The following ADD3 variants were observed in gnomAD, a reference collection of about 807,000 sequenced individuals.
ADD3 encodes the protein gamma-adducin.
In ADD3, 25 loss-of-function variants were observed where a neutral mutation model predicts 80.2. That is an observed-to-expected ratio of 0.31 (90% CI 0.23 to 0.44). The LOEUF is 0.44. Ranked by LOEUF, ADD3 falls within the 20% of genes least tolerant of loss-of-function variation. ADD3 has a pLI of 1.00. For missense variants in ADD3, 829 were observed against 847.5 expected (o/e 0.98, Z 0.27); for synonymous variants, 284 against 289.6 (o/e 0.98, Z 0.20).
At chr10:110,008,656 A>T (rs780454897) in intron 1 of ADD3, among the ~76,000 whole-genome samples, 80 of 152,298 alleles carry the variant, frequency 5.3e-4, no homozygotes, top group Non-Finnish European at 1.9e-4. Context: ...GCTGAAGCTT[A>T]GGTGACCCCG....
intron 1 of ADD3, among the ~76,000 whole-genome samples, chr10:110,087,950 C>T (rs1393205953): frequency 6.6e-6 from 1 of 152,124 alleles, no homozygotes; most frequent in Non-Finnish European, 1.5e-5. Context: ...AAATCTATTC[C>T]ATGCCCCTCC....
upstream of ADD3, among the ~76,000 whole-genome samples, chr10:110,001,139 G>C (rs544416884): frequency 2.4e-4 from 37 of 152,286 alleles, no homozygotes; most frequent in Non-Finnish European, 4.3e-4. Context: ...TAGGGGCTGG[G>C]CATGTTGGCT....
Position 110,116,283 on chromosome 10 carries a change from A to G in ADD3, c.359A>G (p.Asn120Ser), listed in dbSNP as rs757361803. ...GGTCTTGGCATGGTCACACCTATCA[A>G]TGACCTTCCTGGTGCAGATACATCC... is the stretch of plus-strand genomic sequence containing the variant. ...PLSLGMVTPI[N>S]DLPGADTSSY... The change falls in exon 4 of 15, where the codon AAT becomes AGT. Residue 120 changes from asparagine (N) to serine (S), a missense_variant. Asn to Ser is a conservative substitution (Grantham distance 46). Transcript: ENST00000356080. 12 of 1,614,000 alleles carry G rather than the reference A, an allele frequency of 7.4e-6. No individual in the cohort carries two copies. The Admixed American group carries it at 8.3e-5, about 11-fold the overall frequency.
chr10:110,040,429 T>C (rs984527537), intron 1 of ADD3, among the ~76,000 whole-genome samples: 2 of 152,212 alleles, frequency 1.3e-5, no homozygotes, highest in Admixed American at 1.3e-4. Context: ...GTTTGGCCAA[T>C]TAATATATGT....
chr10:110,045,387 A>C (rs1222876811), intron 1 of ADD3, among the ~76,000 whole-genome samples: 3 of 152,122 alleles, frequency 2.0e-5, no homozygotes, highest in Non-Finnish European at 4.4e-5. Flanking sequence ...ATGGTGAAAG[A>C]ATAGAATGGT....
chr10:110,076,717 A>G (rs1313100080), intron 1 of ADD3, among the ~76,000 whole-genome samples: 1 of 152,198 alleles, frequency 6.6e-6, no homozygotes, highest in Non-Finnish European at 1.5e-5. Flanking sequence ...GACTTCCTTT[A>G]TAGTACTCTA....
intron 1 of ADD3, among the ~76,000 whole-genome samples, chr10:110,038,807 A>T (rs1855960106): frequency 6.6e-6 from 1 of 152,252 alleles, no homozygotes; most frequent in Non-Finnish European, 1.5e-5. Context: ...TTTGAAAGAG[A>T]CTGGTCAAAT....
At chr10:110,100,335 G>A (rs1848668174) in intron 1 of ADD3, among the ~76,000 whole-genome samples, 1 of 131,426 alleles carries the variant, frequency 7.6e-6, no homozygotes, top group Non-Finnish European at 1.5e-5. Context: ...GGGTGACACA[G>A]TGAGACTCCA....
upstream of ADD3, among the ~76,000 whole-genome samples, chr10:110,002,868 T>C (rs930190290): frequency 2.0e-5 from 3 of 152,248 alleles, no homozygotes; most frequent in Non-Finnish European, 4.4e-5. Flanking sequence ...AAATAAACCA[T>C]ATAGGTCACA....
chr10:110,011,572 CTG>C (rs1852334465), intron 1 of ADD3, among the ~76,000 whole-genome samples: 1 of 152,196 alleles, frequency 6.6e-6, no homozygotes, highest in Non-Finnish European at 1.5e-5. Flanking sequence ...ACACTAAACA[CTG>C]TTTTTGTTAT....
intron 2 of ADD3, among the ~76,000 whole-genome samples, chr10:110,105,225 C>T (rs1849274003): frequency 6.6e-6 from 1 of 152,056 alleles, no homozygotes; most frequent in Non-Finnish European, 1.5e-5. Context: ...TCAAATACCA[C>T]TTGGTAAATT....
At chr10:110,040,193 T>C (rs1856131292) in intron 1 of ADD3, among the ~76,000 whole-genome samples, 1 of 151,980 alleles carries the variant, frequency 6.6e-6, no homozygotes, top group Non-Finnish European at 1.5e-5. Flanking sequence ...TTTTTTTTTT[T>C]CAGATTTCCA....
chr10:110,064,461 G>A (rs1315443133), intron 1 of ADD3, among the ~76,000 whole-genome samples: 1 of 152,132 alleles, frequency 6.6e-6, no homozygotes, highest in Non-Finnish European at 1.5e-5. Context: ...TCTCACTGTG[G>A]CTTTAATTTT....
At chr10:110,031,572 A>C (rs537632022) in intron 1 of ADD3, among the ~76,000 whole-genome samples, 1 of 152,056 alleles carries the variant, frequency 6.6e-6, no homozygotes, top group Non-Finnish European at 1.5e-5. Context: ...GTCCTTTAAC[A>C]TGAAGCGGAG....
chr10:110,066,946 T>C (rs1278092832), intron 1 of ADD3, among the ~76,000 whole-genome samples: 2 of 152,228 alleles, frequency 1.3e-5, no homozygotes, highest in Admixed American at 6.5e-5. Flanking sequence ...AATTTTTGTT[T>C]ACAAACTGGT....
chr10:110,009,535 A>G (rs1017802187), intron 1 of ADD3, among the ~76,000 whole-genome samples: 1 of 152,230 alleles, frequency 6.6e-6, no homozygotes, highest in African/African-American at 2.4e-5. Context: ...TTATAGGGTT[A>G]AGTTACTTAA....
intron 1 of ADD3, among the ~76,000 whole-genome samples, chr10:110,097,965 CAG>C (rs1235565035): frequency 1.3e-5 from 2 of 152,002 alleles, no homozygotes; most frequent in African/African-American, 4.8e-5. Context: ...TTAATAGAGA[CAG>C]AGTTTCACCG....
At chr10:110,103,918 T>G (rs756649148) in intron 2 of ADD3, among the ~76,000 whole-genome samples, 2 of 152,092 alleles carry the variant, frequency 1.3e-5, no homozygotes, top group Non-Finnish European at 2.9e-5. Flanking sequence ...CACAATTTAT[T>G]TTTCTTCCTT....
chr10:110,127,770 G>C (rs1852366961), intron 12 of ADD3, among the ~76,000 whole-genome samples: 1 of 152,168 alleles, frequency 6.6e-6, no homozygotes. Context: ...GAGGATTCCT[G>C]TGCTGCTGAT....
Sources: allele counts gnomAD v4.1 joint callset (sites outside exome capture counted in the v4.1 genomes callset), GRCh38; gene constraint gnomAD v4.1.1; transcripts MANE v1.5; gene names NCBI Gene and HGNC (gene_info 2026-07-23, HGNC 2026-07-21).